The following LINGO2 variants were observed in gnomAD, a reference collection of about 807,000 sequenced individuals.
LINGO2 encodes leucine rich repeat and Ig domain containing 2.
LINGO2 carries 14 observed loss-of-function variants against 30.6 expected under a neutral mutation model. The observed-to-expected ratio is 0.46, with a 90% CI of 0.30 to 0.72. LINGO2 has a LOEUF of 0.72. Among genes scored for constraint, LINGO2 ranks in the 30% least tolerant of loss-of-function variants. The pLI is 0.07. For synonymous variants in LINGO2, 317 were observed against 288.5 expected (o/e 1.10, Z -1.00); for missense variants, 729 against 751.7 (o/e 0.97, Z 0.35).
At chr9:29,172,224 A>G in the LINGO2 span, among the ~76,000 whole-genome samples, 1 of 151,894 alleles carries the variant, frequency 6.6e-6, no homozygotes, top group Non-Finnish European at 1.5e-5. Flanking sequence ...TATAAATGCT[A>G]TAATAAAGGA....
chr9:28,107,554 C>T (rs907064684), intron 4 of LINGO2, among the ~76,000 whole-genome samples: 9 of 152,264 alleles, frequency 5.9e-5, no homozygotes, highest in Non-Finnish European at 1.2e-4. Context: ...TCCATTTCAT[C>T]TATTTGTTTC....
chr9:29,119,577 C>CTTTTTTTT, the LINGO2 span, among the ~76,000 whole-genome samples: 5 of 82,546 alleles, frequency 6.1e-5, no homozygotes, highest in Admixed American at 1.6e-4. Context: ...CAGTTGTCAT[C>CTTTTTTTT]TTTTTTTTTT....
intron 1 of LINGO2, among the ~76,000 whole-genome samples, chr9:28,528,207 G>A (rs745912718): frequency 5.6e-4 from 85 of 152,118 alleles, no homozygotes; most frequent in Non-Finnish European, 1.1e-3. Flanking sequence ...TTCAACTTCT[G>A]AGAAAATTAC....
chr9:28,802,235 TCAAGA>T, the LINGO2 span, among the ~76,000 whole-genome samples: 2 of 151,976 alleles, frequency 1.3e-5, no homozygotes, highest in Non-Finnish European at 2.9e-5. Flanking sequence ...AGGTATTTAA[TCAAGA>T]CAAAATAATT....
chr9:28,307,963 C>T (rs58160289), intron 3 of LINGO2, among the ~76,000 whole-genome samples: 2,025 of 152,004 alleles, frequency 0.013, 37 homozygotes, highest in African/African-American at 0.047. Flanking sequence ...ATTCCATGCT[C>T]ATGGGTAGGA....
chr9:28,323,949 G>C (rs1457510988), intron 3 of LINGO2, among the ~76,000 whole-genome samples: 4 of 152,124 alleles, frequency 2.6e-5, no homozygotes, highest in Non-Finnish European at 5.9e-5. Flanking sequence ...AAGCAATCCA[G>C]GAAACCTAAC....
chr9:28,608,560 T>C (rs1825787502), intron 1 of LINGO2, among the ~76,000 whole-genome samples: 1 of 151,986 alleles, frequency 6.6e-6, no homozygotes, highest in South Asian at 2.1e-4. Flanking sequence ...AATGGAGAAC[T>C]AGGTTTGTTG....
At chr9:28,962,679 G>A in the LINGO2 span, among the ~76,000 whole-genome samples, 1 of 151,676 alleles carries the variant, frequency 6.6e-6, no homozygotes, top group East Asian at 1.9e-4. Flanking sequence ...ACTAGATTTT[G>A]CTCTAAATAA....
At chr9:28,331,602 C>A (rs1430284452) in intron 3 of LINGO2, among the ~76,000 whole-genome samples, 1 of 152,150 alleles carries the variant, frequency 6.6e-6, no homozygotes, top group Non-Finnish European at 1.5e-5. Context: ...ACATCCTGGG[C>A]TCTGGTGATC....
intron 4 of LINGO2, among the ~76,000 whole-genome samples, chr9:28,215,091 T>C (rs907202472): frequency 1.3e-5 from 2 of 151,684 alleles, no homozygotes; most frequent in African/African-American, 4.8e-5. Flanking sequence ...GGCAGGGATA[T>C]CCTGAGAATG....
chr9:29,177,796 T>C, the LINGO2 span, among the ~76,000 whole-genome samples: 73 of 152,242 alleles, frequency 4.8e-4, no homozygotes, highest in East Asian at 0.01. Context: ...GAATATAGTG[T>C]CAGTATCATC....
chr9:28,948,909 G>T, the LINGO2 span, among the ~76,000 whole-genome samples: 1 of 151,764 alleles, frequency 6.6e-6, no homozygotes, highest in South Asian at 2.1e-4. Context: ...GGCACAAGTG[G>T]ATCTCTCTTC....
the LINGO2 span, among the ~76,000 whole-genome samples, chr9:28,889,960 A>G: frequency 1.3e-5 from 2 of 152,110 alleles, no homozygotes; most frequent in Non-Finnish European, 2.9e-5. Flanking sequence ...TCTTCTCCCC[A>G]TAAAAAGCAT....
At chr9:28,070,271 T>A (rs1051467395) in intron 4 of LINGO2, among the ~76,000 whole-genome samples, 1 of 152,076 alleles carries the variant, frequency 6.6e-6, no homozygotes, top group African/African-American at 2.4e-5. Flanking sequence ...TGAAGACAGT[T>A]TTTTTCCTGC....
chr9:28,769,755 T>C, the LINGO2 span, among the ~76,000 whole-genome samples: 3 of 151,258 alleles, frequency 2.0e-5, no homozygotes, highest in Admixed American at 6.6e-5. Flanking sequence ...ATTCCTATCA[T>C]GCATAGAATA....
chr9:29,151,841 G>T, the LINGO2 span, among the ~76,000 whole-genome samples: 1 of 152,116 alleles, frequency 6.6e-6, no homozygotes, highest in Non-Finnish European at 1.5e-5. Context: ...ACAGATCATT[G>T]AGGCAGAAAA....
the LINGO2 span, among the ~76,000 whole-genome samples, chr9:29,179,158 A>AATATATATATATATATATAT: frequency 1.8e-4 from 18 of 101,630 alleles, no homozygotes; most frequent in Non-Finnish European, 3.0e-4. Flanking sequence ...TCTTACTGTA[A>AATATATATATATATATATAT]ATATATATAT....
chr9:28,734,570 T>G, the LINGO2 span, among the ~76,000 whole-genome samples: 1 of 152,128 alleles, frequency 6.6e-6, no homozygotes. Flanking sequence ...ATACAGCTGC[T>G]AAATGGTAGA....
At chr9:28,069,495 C>T (rs1825410154) in intron 4 of LINGO2, among the ~76,000 whole-genome samples, 1 of 152,132 alleles carries the variant, frequency 6.6e-6, no homozygotes, top group South Asian at 2.1e-4. Context: ...ACTATTTCAA[C>T]TAATCCTTCT....
Sources: allele counts gnomAD v4.1 joint callset (sites outside exome capture counted in the v4.1 genomes callset), GRCh38; gene constraint gnomAD v4.1.1; transcripts MANE v1.5; gene names NCBI Gene and HGNC (gene_info 2026-07-23, HGNC 2026-07-21).